Variants in EYS observed in about 807,000 individuals in gnomAD.
EYS encodes the protein protein eyes shut homolog.
Under a neutral mutation model 282.1 loss-of-function variants are expected in EYS, and 250 were observed. The ratio of observed to expected loss-of-function variants is 0.89; its 90% CI spans 0.80 to 0.98. The LOEUF (loss-of-function observed/expected upper bound fraction) is 0.98, where lower values mean the gene tolerates loss of function less well. EYS is among the 50% of genes least tolerant of loss of function. The pLI is 0.00. For missense variants in EYS, 4,016 were observed against 3,709.0 expected (o/e 1.08, Z -2.15); for synonymous variants, 1,355 against 1,282.9 (o/e 1.06, Z -1.20).
chr6:64,576,439 G>A (rs1359992136), intron 26 of EYS, among the ~76,000 whole-genome samples: 5 of 151,934 alleles, frequency 3.3e-5, no homozygotes, highest in Non-Finnish European at 7.4e-5. Flanking sequence ...ATTAAGACAG[G>A]TTAATATACT....
intron 22 of EYS, among the ~76,000 whole-genome samples, 160 bp downstream of exon 22, chr6:64,813,218 A>T (rs9345532): frequency 2.0e-5 from 3 of 151,682 alleles, no homozygotes; most frequent in African/African-American, 7.3e-5. Context: ...ATAAACAATG[A>T]CATTTTGTAA....
intron 22 of EYS, among the ~76,000 whole-genome samples, chr6:64,790,024 A>C (rs1398211500): frequency 6.6e-6 from 1 of 152,010 alleles, no homozygotes; most frequent in Admixed American, 6.6e-5. Context: ...AAATCCTTAT[A>C]AAAACAGCCA....
chr6:64,930,461 T>TAAAAAA lies in EYS; in HGVS notation c.2381+15326_2381+15331dup, dbSNP rs55650031. 1.3e-4 allele frequency among the ~76,000 whole-genome samples: 16 copies of TAAAAAA among 123,030 alleles called. 2 individuals are homozygous for TAAAAAA. The highest frequency in any genetic ancestry group is 2.4e-4 in the Non-Finnish European group (14 of 58,258). The allele number at this position is 123,030 out of a possible 152,430, so 80.7% of individuals were successfully genotyped here. A position where few individuals can be genotyped will look rare whatever the true frequency, so the allele number is the denominator to read the frequency against. ...TTAGGACTTCTATGCATAAATAAGG[T>TAAAAAA]AAAAAAAAAAAAAAAAAAAAAGCAA... On this transcript the variant is annotated intron_variant, in intron 15 of 42. Transcript: ENST00000503581.
chr6:65,688,374 G>A (rs1374991896), intron 1 of EYS, among the ~76,000 whole-genome samples: 1 of 151,966 alleles, frequency 6.6e-6, no homozygotes, highest in Admixed American at 6.6e-5. Context: ...AAAACTGGCT[G>A]GCCATATGTA....
At chr6:65,706,536 G>A (rs1336017691) in intron 1 of EYS, among the ~76,000 whole-genome samples, 2 of 151,962 alleles carry the variant, frequency 1.3e-5, no homozygotes, top group Non-Finnish European at 2.9e-5. Flanking sequence ...CACTACAGCT[G>A]TTAAAAAATC....
intron 16 of EYS, among the ~76,000 whole-genome samples, chr6:64,903,971 A>G (rs1767745984): frequency 6.6e-6 from 1 of 152,220 alleles, no homozygotes; most frequent in Non-Finnish European, 1.5e-5. Context: ...CAACAAATAG[A>G]AAACAAATAG....
chr6:65,619,325 G>C (rs2149800643), intron 2 of EYS, among the ~76,000 whole-genome samples: 1 of 151,770 alleles, frequency 6.6e-6, no homozygotes, highest in East Asian at 1.9e-4. Flanking sequence ...ATTATGAATG[G>C]GAGTTCACTC....
At chr6:64,187,277 A>T (rs1764974149) in intron 31 of EYS, among the ~76,000 whole-genome samples, 1 of 152,116 alleles carries the variant, frequency 6.6e-6, no homozygotes, top group South Asian at 2.1e-4. Flanking sequence ...GAAGTCTCAC[A>T]GTGAAGCATC....
chr6:65,673,538 G>A lies in EYS; in HGVS notation c.-448+33597C>T, dbSNP rs145432191. ...TAGAGAGTGGCCAAGGGGGTTCAGC[G>A]TAAGTTTTTGGGCTCTATCCTTGTC... On this transcript the variant is annotated intron_variant, in intron 1 of 42. Coordinates refer to ENST00000503581, the MANE Select transcript of EYS (RefSeq NM_001142800.2). 2.0e-4 allele frequency among the ~76,000 whole-genome samples: 31 copies of A among 152,138 alleles called. No individual in the cohort carries two copies. In the East Asian group the frequency reaches 2.1e-3, roughly 10 times the overall value.
At chr6:64,396,646 C>T (rs182542169) in intron 28 of EYS, among the ~76,000 whole-genome samples, 4 of 152,010 alleles carry the variant, frequency 2.6e-5, no homozygotes, top group East Asian at 1.9e-4. Context: ...GAAATCCAAT[C>T]GACTCAGTAA....
At chr6:64,136,999 T>A (rs1774183140) in intron 31 of EYS, among the ~76,000 whole-genome samples, 1 of 152,186 alleles carries the variant, frequency 6.6e-6, no homozygotes, top group South Asian at 2.1e-4. Flanking sequence ...GGCTGTTCAA[T>A]GTACATTGAA....
intron 12 of EYS, among the ~76,000 whole-genome samples, chr6:65,217,852 G>A (rs1392265714): frequency 6.6e-6 from 1 of 152,038 alleles, no homozygotes; most frequent in Non-Finnish European, 1.5e-5. Context: ...ACACTGACAT[G>A]CCAGTAGGTT....
intron 12 of EYS, among the ~76,000 whole-genome samples, chr6:65,170,531 T>A (rs1765081259): frequency 6.6e-6 from 1 of 151,498 alleles, no homozygotes; most frequent in South Asian, 2.1e-4. Flanking sequence ...TTTCTGGAAA[T>A]AGGCCAGTTT....
chr6:64,015,771 A>C (rs1768863242), intron 33 of EYS, among the ~76,000 whole-genome samples: 1 of 152,218 alleles, frequency 6.6e-6, no homozygotes, highest in Non-Finnish European at 1.5e-5. Flanking sequence ...CAGAGGAAGC[A>C]TAGCCAGGGC....
intron 12 of EYS, among the ~76,000 whole-genome samples, chr6:65,188,378 T>C (rs1183578853): frequency 6.6e-6 from 1 of 151,760 alleles, no homozygotes; most frequent in African/African-American, 2.4e-5. Flanking sequence ...TTAAAAGTGG[T>C]CTTATTTTCT....
At chr6:65,378,169 A>C (rs1341798247) in intron 8 of EYS, among the ~76,000 whole-genome samples, 1 of 152,182 alleles carries the variant, frequency 6.6e-6, no homozygotes, top group Non-Finnish European at 1.5e-5. Context: ...TGTACAAAGA[A>C]CTTAAACAAA....
chr6:64,341,417 A>G lies in EYS; in HGVS notation c.6079-34335T>C, dbSNP rs1376729901. The stretch of plus-strand genomic sequence containing the variant: ...AGCAGCATGGATATGGCTGGAGGCC[A>G]TAAGCCTAAATGAATTAATGCTAGA... On this transcript the variant is annotated intron_variant, in intron 29 of 42. Coordinates refer to ENST00000503581, the MANE Select transcript of EYS (RefSeq NM_001142800.2). Among the ~76,000 whole-genome samples, 4 of 151,848 alleles carry G rather than the reference A, an allele frequency of 2.6e-5. No homozygotes were observed. The South Asian group carries it at 8.3e-4, about 31-fold the overall frequency.
chr6:65,637,821 G>A (rs1226033917), intron 2 of EYS, among the ~76,000 whole-genome samples: 5 of 152,164 alleles, frequency 3.3e-5, no homozygotes, highest in Admixed American at 6.5e-5. Context: ...GCTGGCGGGC[G>A]TGGTGAGTGG....
chr6:64,648,769 A>G (rs1011868177), intron 22 of EYS, among the ~76,000 whole-genome samples: 1 of 152,216 alleles, frequency 6.6e-6, no homozygotes, highest in Non-Finnish European at 1.5e-5. Context: ...TGGAGGGGGA[A>G]AAGTAGAAAT....
Sources: gnomAD v4.1 joint callset for allele counts (sites outside exome capture counted in the v4.1 genomes callset) on GRCh38, gnomAD v4.1.1 for gene constraint, MANE v1.5 for transcripts, NCBI Gene and HGNC (gene_info 2026-07-23, HGNC 2026-07-21) for gene names.